Variants in SMAD2 observed in about 807,000 individuals in gnomAD.
The protein encoded by SMAD2 is MAD homolog 2.
SMAD2 carries 8 observed loss-of-function variants against 64.4 expected under a neutral mutation model. The ratio of observed to expected loss-of-function variants is 0.12; its 90% confidence interval spans 0.07 to 0.22. The LOEUF (loss-of-function observed/expected upper bound fraction) is 0.22, where lower values mean the gene tolerates loss of function less well. Ranked by LOEUF, SMAD2 falls within the 10% of genes least tolerant of loss-of-function variation. SMAD2 has a pLI of 1.00. For synonymous variants in SMAD2, 203 were observed against 195.8 expected (o/e 1.04, Z -0.31); for missense variants, 289 against 561.2 (o/e 0.51, Z 4.90).
intron 2 of SMAD2, among the ~76,000 whole-genome samples, chr18:47,890,774 G>A (rs182876246): frequency 3.5e-4 from 54 of 152,294 alleles, no homozygotes; most frequent in Non-Finnish European, 1.5e-4. Flanking sequence ...ACACGCACAT[G>A]CCTATGTATG....
rs34302955 is a variant in SMAD2 at position 47,866,316 on chromosome 18, C to CAAAAAAAA, written c.656-1191_656-1184dup. On this transcript the variant is annotated intron_variant, in intron 5 of 10. Transcript: ENST00000262160. ...GGGCAACAAGAGCAAAACACCGTCT[C>CAAAAAAAA]AAAAAAAAAAAAAAAAAAAAAAAAA... is the stretch of plus-strand genomic sequence containing the variant. Among the ~76,000 whole-genome samples the CAAAAAAAA allele has an allele frequency of 5.9e-4, 25 of 42,074 alleles. 1 individual carries two copies. The highest frequency in any genetic ancestry group is 2.3e-3 in the African/African-American group (23 of 9,938). 27.6% of individuals were successfully genotyped at this position (42,074 alleles called of 152,430 possible).
At chr18:47,900,845 T>G (rs1298112677) in intron 1 of SMAD2, among the ~76,000 whole-genome samples, 2 of 152,162 alleles carry the variant, frequency 1.3e-5, no homozygotes, top group Non-Finnish European at 2.9e-5. Context: ...TTTTAAGTCA[T>G]ATGTTATTCA....
chr18:47,875,220 G>T (rs775090314), intron 2 of SMAD2, among the ~76,000 whole-genome samples: 2 of 151,976 alleles, frequency 1.3e-5, no homozygotes, highest in Non-Finnish European at 2.9e-5. Context: ...TCTAACAAAC[G>T]AGGTCAATTT....
chr18:47,856,470 A>G (rs539541257), intron 6 of SMAD2, among the ~76,000 whole-genome samples: 2 of 152,334 alleles, frequency 1.3e-5, no homozygotes, highest in South Asian at 4.1e-4. Context: ...GTATGCTTTA[A>G]AAAGTCTAAT....
At chr18:47,843,850 C>T (rs1914212467) in intron 10 of SMAD2, among the ~76,000 whole-genome samples, 1 of 152,126 alleles carries the variant, frequency 6.6e-6, no homozygotes, top group Admixed American at 6.6e-5. Context: ...AGTATCTTTA[C>T]CAAGTAAAAC....
At chr18:47,913,499 GCTGACAT>G (rs2034221937) in intron 1 of SMAD2, among the ~76,000 whole-genome samples, 2 of 152,230 alleles carry the variant, frequency 1.3e-5, no homozygotes, top group Admixed American at 6.5e-5. Context: ...ACCATGGTTG[GCTGACAT>G]CTGTCTAATA....
At chr18:47,919,337 A>T (rs549852047) in intron 1 of SMAD2, among the ~76,000 whole-genome samples, 1 of 151,828 alleles carries the variant, frequency 6.6e-6, no homozygotes, top group East Asian at 1.9e-4. Flanking sequence ...TCTCATCAAA[A>T]GGAGATACTA....
At chr18:47,907,673 C>G (rs1010339135) in intron 1 of SMAD2, among the ~76,000 whole-genome samples, 1 of 152,172 alleles carries the variant, frequency 6.6e-6, no homozygotes, top group Non-Finnish European at 1.5e-5. Flanking sequence ...CAGAACTGGC[C>G]GAGCCCAGTG....
chr18:47,852,064 GTTTTAA>G (rs1359778024), intron 6 of SMAD2, among the ~76,000 whole-genome samples: 2 of 152,164 alleles, frequency 1.3e-5, no homozygotes, highest in Non-Finnish European at 2.9e-5. Context: ...CACAAGTACA[GTTTTAA>G]TTTTGAGTAG....
At chr18:47,874,603 C>A (rs1455884295) in intron 2 of SMAD2, among the ~76,000 whole-genome samples, 1 of 151,972 alleles carries the variant, frequency 6.6e-6, no homozygotes, top group Non-Finnish European at 1.5e-5. Context: ...AAAGTCCCAA[C>A]AAAAAATTCA....
intron 1 of SMAD2, among the ~76,000 whole-genome samples, chr18:47,928,796 T>C (rs1213086898): frequency 1.3e-5 from 2 of 152,184 alleles, no homozygotes; most frequent in Non-Finnish European, 2.9e-5. Flanking sequence ...AATTTCTTAC[T>C]AAAACCCCAA....
intron 2 of SMAD2, among the ~76,000 whole-genome samples, chr18:47,887,588 C>T (rs1238193134): frequency 1.3e-5 from 2 of 152,134 alleles, no homozygotes; most frequent in Non-Finnish European, 1.5e-5. Context: ...GGTAAGCCAA[C>T]TTCAACTATT....
intron 1 of SMAD2, among the ~76,000 whole-genome samples, chr18:47,919,488 AC>A (rs2034476407): frequency 2.3e-5 from 3 of 128,084 alleles, no homozygotes; most frequent in Non-Finnish European, 3.2e-5. Flanking sequence ...ACACACACAC[AC>A]ACACACACAC....
intron 6 of SMAD2, among the ~76,000 whole-genome samples, chr18:47,861,448 AAAG>A (rs1440886471): frequency 1.3e-5 from 2 of 152,224 alleles, no homozygotes; most frequent in Non-Finnish European, 2.9e-5. Context: ...ATGCAGGAGA[AAAG>A]AATATACAAA....
chr18:47,902,726 C>T (rs2033734677), intron 1 of SMAD2, among the ~76,000 whole-genome samples: 1 of 152,156 alleles, frequency 6.6e-6, no homozygotes. Context: ...GCCAGATAAG[C>T]TACAAAATCA....
chr18:47,850,168 G>A (rs1475808720), intron 7 of SMAD2, among the ~76,000 whole-genome samples: 10 of 103,952 alleles, frequency 9.6e-5, no homozygotes, highest in Middle Eastern at 4.7e-3. Flanking sequence ...ACATATATGT[G>A]CACACTCTCA....
At chr18:47,850,606 TAATA>T (rs1414124970) in intron 7 of SMAD2, among the ~76,000 whole-genome samples, 1 of 57,806 alleles carries the variant, frequency 1.7e-5, no homozygotes, top group African/African-American at 8.5e-5. Context: ...ATATTATGTA[TAATA>T]TATATTATAT....
intron 5 of SMAD2, 93 bp from the exon 6 acceptor site, chr18:47,865,226 A>T: frequency 1.4e-6 from 1 of 710,208 alleles, no homozygotes; most frequent in South Asian, 1.5e-5. Flanking sequence ...ATCACTCCAA[A>T]TAACAAATAA....
chr18:47,901,355 AC>A, intron 1 of SMAD2, among the ~76,000 whole-genome samples: 1 of 152,208 alleles, frequency 6.6e-6, no homozygotes, highest in South Asian at 2.1e-4. Context: ...TGGATGGTAT[AC>A]CTTTTCGCAT....
Sources: gnomAD v4.1 joint callset for allele counts (sites outside exome capture counted in the v4.1 genomes callset) on GRCh38, gnomAD v4.1.1 for gene constraint, MANE v1.5 for transcripts, NCBI Gene and HGNC (gene_info 2026-07-23, HGNC 2026-07-21) for gene names.